Variants in TG observed in about 807,000 individuals in gnomAD.
TG encodes the protein thyroglobulin, also known as thyroid hormones.
TG carries 270 observed loss-of-function variants against 324.7 expected under a neutral mutation model. That is an observed-to-expected ratio of 0.83 (90% CI 0.75 to 0.92). The LOEUF (loss-of-function observed/expected upper bound fraction) is 0.92. TG is among the 40% of genes least tolerant of loss of function. TG has a pLI of 0.00. For synonymous variants in TG, 1,401 were observed against 1,327.0 expected (o/e 1.06, Z -1.21); for missense variants, 3,591 against 3,456.4 (o/e 1.04, Z -0.98).
intron 35 of TG, chr8:133,003,262 A>G (rs7843609): frequency 0.58 from 88,986 of 154,214 alleles, 27,112 homozygotes; most frequent in African/African-American, 0.73. Flanking sequence ...AGGGAAGAAA[A>G]GAGAATTAAA....
chr8:132,970,939 C>T (rs973789707), intron 32 of TG, among the ~76,000 whole-genome samples: 4 of 152,068 alleles, frequency 2.6e-5, no homozygotes, highest in Non-Finnish European at 5.9e-5. Context: ...AGATGCTGCC[C>T]AGCAGGTAAA....
intron 40 of TG, among the ~76,000 whole-genome samples, chr8:133,025,369 C>T (rs985595609): frequency 2.6e-5 from 4 of 152,298 alleles, no homozygotes; most frequent in East Asian, 1.9e-4. Context: ...AATAAGCCTG[C>T]GACACTGGTG....
intron 5 of TG, among the ~76,000 whole-genome samples, chr8:132,881,038 T>C (rs1240936139): frequency 6.6e-6 from 1 of 152,244 alleles, no homozygotes; most frequent in African/African-American, 2.4e-5. Flanking sequence ...AAACACATTA[T>C]GCTTGGACCT....
At chr8:132,971,745 G>C in intron 32 of TG, 49 bp from the exon 33 acceptor site, 2 of 1,361,734 alleles carry the variant, frequency 1.5e-6, no homozygotes, top group Non-Finnish European at 2.1e-6. Flanking sequence ...AGTAGGTCCT[G>C]GGTCACCAGT....
At chr8:132,957,766 C>CACATACACACAG (rs145372427) in intron 27 of TG, among the ~76,000 whole-genome samples, 3 of 145,492 alleles carry the variant, frequency 2.1e-5, no homozygotes, top group Non-Finnish European at 4.5e-5. Flanking sequence ...CACACACACA[C>CACATACACACAG]ACACACACAC....
chr8:133,125,009 A>G (rs1851411520), intron 45 of TG, among the ~76,000 whole-genome samples: 1 of 152,266 alleles, frequency 6.6e-6, no homozygotes. Flanking sequence ...TTCCCAGTGT[A>G]GATGAAAATA....
At chr8:133,061,074 C>T (rs1320028279) in intron 41 of TG, among the ~76,000 whole-genome samples, 3 of 152,214 alleles carry the variant, frequency 2.0e-5, no homozygotes, top group Non-Finnish European at 4.4e-5. Context: ...TGCAATGGCA[C>T]GATCTCGGCT....
At chr8:133,091,911 A>G (rs1372038017) in intron 41 of TG, among the ~76,000 whole-genome samples, 1 of 151,206 alleles carries the variant, frequency 6.6e-6, no homozygotes, top group Non-Finnish European at 1.5e-5. Flanking sequence ...GTGTGTCTCC[A>G]TCTGTGGCTA....
chr8:132,968,627 G>A (rs951747328), intron 31 of TG, among the ~76,000 whole-genome samples: 1 of 152,142 alleles, frequency 6.6e-6, no homozygotes, highest in African/African-American at 2.4e-5. Flanking sequence ...AATGTCAAAG[G>A]GGTCCACAAG....
At chr8:132,962,899 C>A in intron 28 of TG, 95 bp from the exon 29 acceptor site, 1 of 1,138,926 alleles carries the variant, frequency 8.8e-7, no homozygotes, top group Non-Finnish European at 1.3e-6. Flanking sequence ...GGCTTTAGGG[C>A]CTGATTTTTC....
intron 22 of TG, among the ~76,000 whole-genome samples, chr8:132,924,199 C>A (rs577464386): frequency 6.6e-6 from 1 of 151,872 alleles, no homozygotes; most frequent in Non-Finnish European, 1.5e-5. Flanking sequence ...AACCTAGATC[C>A]CTCACATGCA....
At chr8:132,994,627 A>G (rs1832696126) in intron 35 of TG, 2 of 1,225,348 alleles carry the variant, frequency 1.6e-6, no homozygotes, top group Non-Finnish European at 2.1e-6. Flanking sequence ...CCATTCATTT[A>G]TTCTCCCTTG....
At chr8:133,035,942 C>T (rs961742397) in intron 41 of TG, among the ~76,000 whole-genome samples, 5 of 152,172 alleles carry the variant, frequency 3.3e-5, no homozygotes, top group African/African-American at 1.2e-4. Context: ...GGACCCTATG[C>T]CATCCCCTAC....
chr8:132,971,738 A>G, intron 32 of TG, 56 bp from the exon 33 acceptor site: 1 of 1,247,896 alleles, frequency 8.0e-7, no homozygotes, highest in Non-Finnish European at 1.2e-6. Context: ...CCCACCCAGT[A>G]GGTCCTGGGT....
At chr8:132,972,576 G>GTTT (rs34669143) in intron 33 of TG, 22 bp from the exon 34 acceptor site, 8 of 1,481,206 alleles carry the variant, frequency 5.4e-6, no homozygotes, top group Admixed American at 3.8e-5. Flanking sequence ...GTGGTTTTTT[G>GTTT]TTTTTTTTTT....
At chr8:132,984,934 CAAA>C (rs35473851) in intron 35 of TG, among the ~76,000 whole-genome samples, 159 of 140,464 alleles carry the variant, frequency 1.1e-3, no homozygotes, top group Non-Finnish European at 1.2e-3. Context: ...GCCTCCATCT[CAAA>C]AAAAAAAAAA....
chr8:133,106,644 C>T (rs777185783), intron 43 of TG, among the ~76,000 whole-genome samples: 13 of 152,178 alleles, frequency 8.5e-5, no homozygotes, highest in South Asian at 2.1e-4. Context: ...CCATCCTCCA[C>T]GCTGCCTAAC....
chr8:132,979,293 G>A (rs1830542494), intron 34 of TG, among the ~76,000 whole-genome samples: 1 of 152,198 alleles, frequency 6.6e-6, no homozygotes, highest in African/African-American at 2.4e-5. Context: ...GCTGTGCATT[G>A]TCTGCAAGTG....
chr8:132,883,279 G>A (rs1814923827), intron 8 of TG: 1 of 448,160 alleles, frequency 2.2e-6, no homozygotes, highest in Admixed American at 3.7e-5. Flanking sequence ...TGTGCGGTGA[G>A]ACAGGAGCAT....
Sources: gnomAD v4.1 joint callset for allele counts (sites outside exome capture counted in the v4.1 genomes callset) on GRCh38, gnomAD v4.1.1 for gene constraint, MANE v1.5 for transcripts, NCBI Gene and HGNC (gene_info 2026-07-23, HGNC 2026-07-21) for gene names.